CCDC88A: variants seen among roughly 807,000 people sequenced by gnomAD.
CCDC88A encodes the protein girdin.
CCDC88A carries 54 observed loss-of-function variants against 234.3 expected under a neutral mutation model. That is an observed-to-expected ratio of 0.23 (90% CI 0.19 to 0.29). CCDC88A has a LOEUF of 0.29. CCDC88A is among the 10% of genes least tolerant of loss of function. The probability of loss-of-function intolerance (pLI) is 1.00; values close to 1 mark genes in which losing one functional copy is unlikely to be tolerated. For synonymous variants in CCDC88A, 753 were observed against 737.8 expected, an observed-to-expected ratio of 1.02 and a Z score of -0.33; for missense variants, 1,832 against 2,123.4, an observed-to-expected ratio of 0.86 and a Z score of 2.70.
At chr2:55,319,134 T>A in intron 18 of CCDC88A, 130 bp from the exon 19 acceptor site, 1 of 720,232 alleles carries the variant, frequency 1.4e-6, no homozygotes, top group Non-Finnish European at 2.0e-6. Flanking sequence ...CCAACAATCT[T>A]AAAAGAGAAA....
At chr2:55,385,815 T>C (rs1417158443) in intron 3 of CCDC88A, among the ~76,000 whole-genome samples, 1 of 114,448 alleles carries the variant, frequency 8.7e-6, no homozygotes, top group Non-Finnish European at 1.6e-5. Context: ...ATTGCACCAT[T>C]GCACTCCAGC....
chr2:55,346,137 A>G, intron 10 of CCDC88A, 38 bp downstream of exon 10: 1 of 1,484,302 alleles, frequency 6.7e-7, no homozygotes, highest in South Asian at 1.3e-5. Flanking sequence ...ATTCTAACAC[A>G]GAAAAAAAAA....
intron 25 of CCDC88A, among the ~76,000 whole-genome samples, chr2:55,304,992 T>C (rs867611484): frequency 2.6e-5 from 4 of 152,246 alleles, no homozygotes; most frequent in Admixed American, 6.5e-5. Context: ...ACTTGTTTGA[T>C]TGCTATTAGG....
At chr2:55,297,381 A>ATATAT (rs1553385830) in intron 29 of CCDC88A, among the ~76,000 whole-genome samples, 1 of 96,874 alleles carries the variant, frequency 1.0e-5, no homozygotes, top group Non-Finnish European at 1.8e-5. Flanking sequence ...TATTATATAT[A>ATATAT]AATATATATT....
intron 9 of CCDC88A, among the ~76,000 whole-genome samples, chr2:55,347,893 T>C (rs1669371802): frequency 6.6e-6 from 1 of 152,036 alleles, no homozygotes; most frequent in Admixed American, 6.6e-5. Context: ...ATTACATGTA[T>C]AAGCCACCAT....
chr2:55,353,593 C>T (rs1223423563), intron 8 of CCDC88A, among the ~76,000 whole-genome samples: 6 of 142,138 alleles, frequency 4.2e-5, no homozygotes, highest in Admixed American at 3.0e-4. Flanking sequence ...AATTGCTACA[C>T]TGTGGTTTTA....
chr2:55,415,340 A>G (rs1681186398), intron 2 of CCDC88A, among the ~76,000 whole-genome samples: 2 of 152,236 alleles, frequency 1.3e-5, no homozygotes, highest in South Asian at 2.1e-4. Flanking sequence ...ACATATTTCT[A>G]CTGGTGGCCA....
At chr2:55,389,701 T>C (rs1676273947) in intron 2 of CCDC88A, among the ~76,000 whole-genome samples, 1 of 152,092 alleles carries the variant, frequency 6.6e-6, no homozygotes, top group African/African-American at 2.4e-5. Context: ...CTCCAAACAA[T>C]TTTTGATGTT....
chr2:55,352,616 A>C (rs1022739708), intron 8 of CCDC88A, among the ~76,000 whole-genome samples: 2 of 152,314 alleles, frequency 1.3e-5, no homozygotes, highest in South Asian at 2.1e-4. Context: ...TTTATATTAG[A>C]AAAATTATTT....
At chr2:55,293,645 C>T (rs2104542935) in intron 31 of CCDC88A, 1 of 152,240 alleles carries the variant, frequency 6.6e-6, no homozygotes, top group Non-Finnish European at 1.5e-5. Context: ...AACATAATTT[C>T]ATCCCCACAT....
At chr2:55,418,715 G>A in intron 2 of CCDC88A, 101 bp downstream of exon 2, 1 of 843,394 alleles carries the variant, frequency 1.2e-6, no homozygotes, top group South Asian at 1.4e-5. Flanking sequence ...GAATATTTCT[G>A]GCCAATGAAC....
chr2:55,339,341 A>G, intron 13 of CCDC88A, 123 bp downstream of exon 13: 1 of 924,550 alleles, frequency 1.1e-6, no homozygotes, highest in Non-Finnish European at 1.5e-6. Context: ...TATATTTGAA[A>G]ATTTTCATAA....
chr2:55,391,996 G>A (rs1676735477), intron 2 of CCDC88A, among the ~76,000 whole-genome samples: 1 of 152,158 alleles, frequency 6.6e-6, no homozygotes, highest in Admixed American at 6.5e-5. Context: ...CATTTTAGAA[G>A]GGTTGCAGGC....
chr2:55,398,466 T>A (rs1400764956), intron 2 of CCDC88A, among the ~76,000 whole-genome samples: 1 of 152,174 alleles, frequency 6.6e-6, no homozygotes, highest in Non-Finnish European at 1.5e-5. Context: ...AACTTCCCAT[T>A]ATAAGGCTTG....
chr2:55,295,753 A>G lies in CCDC88A; in HGVS notation c.5395T>C (p.Tyr1799His), dbSNP rs764282431. 8.1e-6 allele frequency: 13 copies of G among 1,614,202 alleles called. No individual in the cohort carries two copies. Among genetic ancestry groups the G allele is most frequent in the Non-Finnish European group, 1.1e-5 (13 of 1,180,042 alleles). ...LSRQSKDSNP[Y>H]ATLPRASSVI... ...CTGCTTGCACGAGGTAAAGTTGCATAAGGGTTACTATCTTTTGATTGTCGT... is the reference window on the plus strand; with the variant it reads ...CTGCTTGCACGAGGTAAAGTTGCATGAGGGTTACTATCTTTTGATTGTCGT... Residue 1799 changes from tyrosine (Y) to histidine (H), a missense_variant, in exon 31 of 33, where the codon TAT (tyrosine) becomes CAT (histidine). Tyr to His is a moderately conservative substitution (Grantham distance 83, BLOSUM62 2). This residue lies in a region of CCDC88A where 422 missense variants were observed against 416.5 expected (regional missense o/e 1.01). Transcript: ENST00000436346.
At chr2:55,410,001 A>G (rs1303868131) in intron 2 of CCDC88A, among the ~76,000 whole-genome samples, 1 of 151,938 alleles carries the variant, frequency 6.6e-6, no homozygotes, top group Non-Finnish European at 1.5e-5. Flanking sequence ...TCAGCCTCCC[A>G]AAGTGCTGGG....
At chr2:55,310,025 T>C (rs1682138999) in intron 23 of CCDC88A, among the ~76,000 whole-genome samples, 1 of 151,892 alleles carries the variant, frequency 6.6e-6, no homozygotes, top group African/African-American at 2.4e-5. Context: ...TAAAGCCCCA[T>C]GAAGAAAAAG....
Position 55,301,860 on chromosome 2 carries a change from G to A in CCDC88A, c.4672+12C>T, listed in dbSNP as rs1680938968. On this transcript the variant is annotated intron_variant, in intron 27 of 32. Coordinates refer to ENST00000436346, the MANE Select transcript of CCDC88A (RefSeq NM_001365480.1). Reference sequence around the variant, plus strand: ...CAATTACACCACAGTGCAAATAGCAGACAGCCTATACCTTTATTATTAACC... The same window carrying A: ...CAATTACACCACAGTGCAAATAGCAAACAGCCTATACCTTTATTATTAACC... The A allele has an allele frequency of 1.2e-6, 2 of 1,611,046 alleles. No individual in the cohort carries two copies. The highest frequency in any genetic ancestry group is 1.7e-6 in the Non-Finnish European group (2 of 1,177,852).
rs1313334930 is a variant in CCDC88A, at chr2:55,302,208, T to C, written c.4472-136A>G. 8.1e-5 allele frequency: 54 copies of C among 668,484 alleles called. No homozygotes were observed. In the East Asian group the frequency reaches 1.5e-3, roughly 18 times the overall value. The allele number at this position is 668,484 out of a possible 1,614,324, so 41.4% of individuals were successfully genotyped here. A position where few individuals can be genotyped will look rare whatever the true frequency, so the allele number is the denominator to read the frequency against. On this transcript the variant is annotated intron_variant, in intron 26 of 32. Transcript: ENST00000436346. ...ATAAAAAATTATAACCACATGGTCA[T>C]TTAAATTATGACATGCATTCAGCTG...
Sources: allele counts gnomAD v4.1 joint callset (sites outside exome capture counted in the v4.1 genomes callset), GRCh38; gene constraint gnomAD v4.1.1; regional missense constraint gnomAD v4.1.1; transcripts MANE v1.5; gene names NCBI Gene and HGNC (gene_info 2026-07-23, HGNC 2026-07-21).